UFL1: variants seen among roughly 807,000 people sequenced by gnomAD.
The protein encoded by UFL1 is E3 UFM1-protein ligase 1.
UFL1 carries 78 observed loss-of-function variants against 99.3 expected under a neutral mutation model. That is an observed-to-expected ratio of 0.79 (90% CI 0.65 to 0.95). The LOEUF is 0.95. Among genes scored for constraint, UFL1 ranks in the 40% least tolerant of loss-of-function variants. The pLI is 0.00. For missense variants in UFL1, 936 were observed against 937.0 expected (o/e 1.00, Z 0.01); for synonymous variants, 335 against 322.2 (o/e 1.04, Z -0.42).
At chr6:96,541,858 G>A (rs1461758557) in intron 11 of UFL1, among the ~76,000 whole-genome samples, 2 of 150,896 alleles carry the variant, frequency 1.3e-5, no homozygotes, top group Non-Finnish European at 3.0e-5. Flanking sequence ...CCCCCCCATA[G>A]GAAACTTATT....
intron 6 of UFL1, among the ~76,000 whole-genome samples, chr6:96,530,959 C>T (rs1229828889): frequency 6.6e-6 from 1 of 152,242 alleles, no homozygotes; most frequent in Non-Finnish European, 1.5e-5. Flanking sequence ...CCAGGCTGTG[C>T]AGCAGGTGAG....
At chr6:96,547,866 T>TTG (rs1770022071) in intron 12 of UFL1, among the ~76,000 whole-genome samples, 2 of 151,420 alleles carry the variant, frequency 1.3e-5, no homozygotes, top group Non-Finnish European at 1.5e-5. Context: ...ATAGGTACAA[T>TTG]GTTCACTCTT....
At chr6:96,550,534 T>A (rs1390267796) in intron 15 of UFL1, among the ~76,000 whole-genome samples, 1 of 152,036 alleles carries the variant, frequency 6.6e-6, no homozygotes, top group Non-Finnish European at 1.5e-5. Flanking sequence ...ATGTAGTTAG[T>A]CATTGCCTCA....
chr6:96,549,033 G>A (rs552015428), intron 13 of UFL1, among the ~76,000 whole-genome samples: 1 of 151,570 alleles, frequency 6.6e-6, no homozygotes, highest in Non-Finnish European at 1.5e-5. Flanking sequence ...GCATAAAAAG[G>A]TTTTTTTAAA....
chr6:96,523,573 T>C (rs1769657491), intron 2 of UFL1, among the ~76,000 whole-genome samples: 2 of 152,180 alleles, frequency 1.3e-5, no homozygotes, highest in South Asian at 4.1e-4. Flanking sequence ...CATTAATTTA[T>C]TGCATGACTC....
chr6:96,522,377 G>A (rs79624430), intron 1 of UFL1, among the ~76,000 whole-genome samples: 4,538 of 152,204 alleles, frequency 0.03, 227 homozygotes, highest in African/African-American at 0.11. Flanking sequence ...CAAATAGTAT[G>A]TTGATCCTTA....
Position 96,540,637 on chromosome 6 carries a change from C to T in UFL1, c.1261C>T (p.Arg421Ter), listed in dbSNP as rs778841910. 6.3e-6 allele frequency: 10 copies of T among 1,597,030 alleles called. No individual in the cohort carries two copies. The highest frequency in any genetic ancestry group is 2.3e-5 in the East Asian group (1 of 44,320). The change falls in exon 11 of 19, where the codon CGA (arginine) becomes TGA (stop). Residue 421 changes from arginine (R) to a stop codon, truncating the protein, a stop_gained. Coordinates refer to ENST00000369278, the MANE Select transcript of UFL1 (RefSeq NM_015323.5). LOFTEE classifies it high-confidence loss of function. ...AAGTAAAAAGGATAAAAAAGATGAG[C>T]GAAGAAGGAAAGCAACAGGTAATAA... ...STSKKDKKDERRRKATEGSGS... is the reference protein window; with the variant it reads ...STSKKDKKDE
chr6:96,528,048 T>C (rs1440216510), intron 5 of UFL1, among the ~76,000 whole-genome samples: 2 of 152,204 alleles, frequency 1.3e-5, no homozygotes, highest in Non-Finnish European at 2.9e-5. Context: ...TGAGGTCTTA[T>C]GTTTCCCTAT....
chr6:96,524,281 T>C lies in UFL1; in HGVS notation c.224-101T>C, dbSNP rs1460863947. On this transcript the variant is annotated intron_variant, in intron 2 of 18. Coordinates refer to ENST00000369278, the MANE Select transcript of UFL1 (RefSeq NM_015323.5). The stretch of plus-strand genomic sequence containing the variant: ...CATTGATTATTCTGGCTCTCTGTTC[T>C]ATGCAGGACTTTGACCAAAACTTAA... The C allele has an allele frequency of 3.9e-6, 4 of 1,022,180 alleles. No individual in the cohort carries two copies. In the East Asian group the frequency reaches 8.1e-5, roughly 21 times the overall value. 63.3% of individuals were successfully genotyped at this position (1,022,180 alleles called of 1,614,324 possible).
chr6:96,548,118 G>GT (rs1770025891), intron 12 of UFL1, 46 bp from the exon 13 acceptor site: 3 of 1,326,812 alleles, frequency 2.3e-6, no homozygotes, highest in South Asian at 1.4e-5. Flanking sequence ...TTGGTTGCAT[G>GT]TTTTTTATTT....
At chr6:96,551,994 T>C in intron 17 of UFL1, 71 bp downstream of exon 17, 1 of 1,089,434 alleles carries the variant, frequency 9.2e-7, no homozygotes, top group East Asian at 2.4e-5. Context: ...AATTTGAATT[T>C]GACTGCCCGG....
At position 96,552,571 on chromosome 6, in the gene UFL1, T is replaced by C. The variant is rs757844422; in HGVS notation, c.2075T>C (p.Leu692Pro). The C allele has an allele frequency of 1.9e-6, 3 of 1,613,466 alleles. No homozygotes were observed. Reference sequence around the variant, plus strand: ...CTTATTCTGCACCTCACATCAGTCCTGTTGTTTCAGTTTTCAACCCACAGC... The same window carrying C: ...CTTATTCTGCACCTCACATCAGTCCCGTTGTTTCAGTTTTCAACCCACAGC... ...PALILHLTSV[L>P]LFQFSTHSML... is the part of the protein sequence containing the mutation. Residue 692 changes from leucine to proline, a missense_variant, in exon 18 of 19, where the codon CTG becomes CCG. By Grantham distance (98) the Leu-to-Pro change is moderately conservative. Transcript: ENST00000369278.
At chr6:96,540,806 T>C (rs1294422472) in intron 11 of UFL1, 151 bp downstream of exon 11, 3 of 905,258 alleles carry the variant, frequency 3.3e-6, no homozygotes, top group Non-Finnish European at 4.8e-6. Flanking sequence ...TGCTAATGTG[T>C]TAAGTTTTAT....
intron 15 of UFL1, among the ~76,000 whole-genome samples, chr6:96,550,553 A>G (rs797001542): frequency 3.3e-5 from 5 of 152,112 alleles, no homozygotes; most frequent in African/African-American, 1.2e-4. Flanking sequence ...CATAGGCGAT[A>G]TAAGTTGTTT....
chr6:96,544,438 A>G (rs563956920), intron 12 of UFL1, among the ~76,000 whole-genome samples: 1 of 151,022 alleles, frequency 6.6e-6, no homozygotes, highest in South Asian at 2.1e-4. Flanking sequence ...ATAGATTGAG[A>G]TTTATATTTT....
chr6:96,551,710 C>T (rs552153312), intron 16 of UFL1, 128 bp from the exon 17 acceptor site: 24 of 753,018 alleles, frequency 3.2e-5, no homozygotes, highest in Non-Finnish European at 5.1e-5. Flanking sequence ...CAATTTCTAA[C>T]TTAATGAGAA....
chr6:96,536,306 G>C lies in UFL1; in HGVS notation c.718G>C (p.Asp240His), dbSNP rs760861177. The change falls in exon 8 of 19, where the codon GAT becomes CAT. Residue 240 changes from aspartate to histidine, a missense_variant. Physicochemically the swap from Asp to His is moderately conservative, Grantham distance 81. Coordinates refer to ENST00000369278, the MANE Select transcript of UFL1 (RefSeq NM_015323.5). ...AGGCACTGTGGTTGGTGGGAGACAG[G>C]ATAAAGCTGTGTTTGTCCCTGACAT... is the stretch of plus-strand genomic sequence containing the variant. The part of the protein sequence containing the change: ...LRGTVVGGRQ[D>H]KAVFVPDIYS... The C allele has an allele frequency of 2.5e-6, 4 of 1,611,278 alleles. No individual in the cohort carries two copies. The African/African-American group carries it at 5.3e-5, about 22-fold the overall frequency.
chr6:96,540,678 T>G (rs985046875), intron 11 of UFL1, 23 bp downstream of exon 11: 6 of 1,587,210 alleles, frequency 3.8e-6, no homozygotes, highest in Admixed American at 3.7e-5. Context: ...TAACAAGGAA[T>G]ATTCAAAGTT....
chr6:96,553,824 CAA>C lies in UFL1; in HGVS notation c.*323_*324del, dbSNP rs1218889103. The C allele has an allele frequency of 4.7e-6, 1 of 211,024 alleles. No homozygotes were observed. Among genetic ancestry groups the C allele is most frequent in the African/African-American group, 2.3e-5 (1 of 43,500 alleles). The allele number at this position is 211,024 out of a possible 1,614,324, so 13.1% of individuals were successfully genotyped here. A position where few individuals can be genotyped will look rare whatever the true frequency, so the allele number is the denominator to read the frequency against. ...CTCTTTCCAAATGTTGAATGAAAAA[CAA>C]ATTTTCCAATCCATTTATCCCTGGG... On this transcript the variant is annotated 3_prime_UTR_variant, in exon 19 of 19. Transcript: ENST00000369278.
Sources: gnomAD v4.1 joint callset for allele counts (sites outside exome capture counted in the v4.1 genomes callset) on GRCh38, gnomAD v4.1.1 for gene constraint, MANE v1.5 for transcripts, NCBI Gene and HGNC (gene_info 2026-07-23, HGNC 2026-07-21) for gene names.